CUX1: variants seen among roughly 807,000 people sequenced by gnomAD.
The protein encoded by CUX1 is cut like homeobox 1, also known as protein CASP.
CUX1 carries 31 observed loss-of-function variants against 158.8 expected under a neutral mutation model. That is an observed-to-expected ratio of 0.20 (90% confidence interval 0.15 to 0.26). The LOEUF is 0.26. CUX1 is among the 10% of genes least tolerant of loss of function. CUX1 has a pLI of 1.00. For missense variants in CUX1, 1,589 were observed against 2,014.6 expected, an observed-to-expected ratio of 0.79 and a Z score of 4.04; for synonymous variants, 879 against 862.1, an observed-to-expected ratio of 1.02 and a Z score of -0.34.
intron 1 of CUX1, among the ~76,000 whole-genome samples, chr7:101,906,904 C>T (rs1480125187): frequency 6.6e-6 from 1 of 152,116 alleles, no homozygotes; most frequent in African/African-American, 2.4e-5. Context: ...CTGCTGCCCC[C>T]CACTCCCGGA....
chr7:102,052,308 G>C (rs1037832882), intron 3 of CUX1, among the ~76,000 whole-genome samples: 8 of 152,104 alleles, frequency 5.3e-5, no homozygotes, highest in Non-Finnish European at 1.2e-4. Context: ...TCCCCCTTCT[G>C]TAGATTTGGC....
chr7:101,996,519 G>A (rs932517333), intron 2 of CUX1, among the ~76,000 whole-genome samples: 1 of 152,030 alleles, frequency 6.6e-6, no homozygotes. Flanking sequence ...AGCAGACCTG[G>A]GGGTGGCGGT....
intron 8 of CUX1, among the ~76,000 whole-genome samples, chr7:102,138,368 C>G (rs1232311795): frequency 2.0e-5 from 3 of 151,652 alleles, no homozygotes; most frequent in Non-Finnish European, 2.9e-5. Flanking sequence ...TTTCTTTTTT[C>G]TAATTCACAG....
chr7:102,261,551 A>C (rs1228507304), downstream of CUX1, among the ~76,000 whole-genome samples: 1 of 144,322 alleles, frequency 6.9e-6, no homozygotes, highest in Non-Finnish European at 1.6e-5. Flanking sequence ...TTTTAAGCAG[A>C]ATCAAGTATG....
At chr7:101,835,710 T>G (rs953466384) in intron 1 of CUX1, among the ~76,000 whole-genome samples, 5 of 152,174 alleles carry the variant, frequency 3.3e-5, no homozygotes, top group South Asian at 2.1e-4. Context: ...TTGCCAACAG[T>G]CCAATTATAC....
chr7:101,841,502 A>G (rs1247492396), intron 1 of CUX1, among the ~76,000 whole-genome samples: 1 of 148,874 alleles, frequency 6.7e-6, no homozygotes, highest in East Asian at 2.0e-4. Flanking sequence ...TTCTGAGTGC[A>G]TTTTTTTTCT....
Position 102,239,601 on chromosome 7 carries a change from A to C in CUX1, c.3887+17A>C. ...CAACTACAGGTACGACGGCTGGCTC[A>C]CAGGGAGCGCCGGTCGGCCCAGGGG... On this transcript the variant is annotated intron_variant, in intron 23 of 23. Coordinates refer to ENST00000292535, the MANE Select transcript of CUX1 (RefSeq NM_181552.4). 6.2e-7 allele frequency: 1 copy of C among 1,605,002 alleles called. No individual in the cohort carries two copies. Among genetic ancestry groups the C allele is most frequent in the South Asian group, 1.1e-5 (1 of 90,604 alleles).
At chr7:101,884,535 GT>G (rs757325131) in intron 1 of CUX1, among the ~76,000 whole-genome samples, 7 of 152,200 alleles carry the variant, frequency 4.6e-5, no homozygotes, top group Non-Finnish European at 1.0e-4. Context: ...AGGTGGGTGG[GT>G]GTTAAACTCA....
intron 23 of CUX1, among the ~76,000 whole-genome samples, chr7:102,246,770 A>C (rs1158797243): frequency 1.3e-5 from 2 of 152,124 alleles, no homozygotes; most frequent in Non-Finnish European, 2.9e-5. Context: ...AGGTTCCACC[A>C]TGTTGGCCGG....
chr7:101,871,229 A>G (rs1798495032), intron 1 of CUX1, among the ~76,000 whole-genome samples: 1 of 152,130 alleles, frequency 6.6e-6, no homozygotes. Flanking sequence ...TCAGCAGAAT[A>G]CAGGCCTCTG....
intron 1 of CUX1, among the ~76,000 whole-genome samples, chr7:101,873,669 C>T (rs1175897806): frequency 1.3e-5 from 2 of 152,146 alleles, no homozygotes; most frequent in African/African-American, 2.4e-5. Context: ...CTGCAACCTC[C>T]ACTTCCCGAG....
chr7:101,965,705 G>C (rs551545171), intron 2 of CUX1, among the ~76,000 whole-genome samples: 1 of 151,360 alleles, frequency 6.6e-6, no homozygotes, highest in Non-Finnish European at 1.5e-5. Context: ...AAAAATTAGC[G>C]GGGCGTGGTG....
chr7:102,086,035 T>C (rs912049739), intron 4 of CUX1, among the ~76,000 whole-genome samples: 1 of 152,194 alleles, frequency 6.6e-6, no homozygotes, highest in Non-Finnish European at 1.5e-5. Context: ...TCATCTAAAT[T>C]ATCAAATTTG....
At position 102,168,311 on chromosome 7, in the gene CUX1, C is replaced by T. The variant is rs574146841; in HGVS notation, c.724-2135C>T. ...AGAGCTCCTGGAGAGGCAAGGCAGG[C>T]GGCCACCAGCACCGCCCTGGGCGGA... On this transcript the variant is annotated intron_variant, in intron 9 of 23. Coordinates refer to ENST00000292535, the MANE Select transcript of CUX1 (RefSeq NM_181552.4). Among the ~76,000 whole-genome samples, 9 of 152,198 alleles carry T rather than the reference C, an allele frequency of 5.9e-5. No individual in the cohort carries two copies. In the South Asian group the frequency reaches 1.5e-3, roughly 25 times the overall value.
chr7:102,275,838 G>A (rs561222738), intron 17 of CUX1, among the ~76,000 whole-genome samples: 38 of 152,004 alleles, frequency 2.5e-4, no homozygotes, highest in South Asian at 2.1e-3. Context: ...GTGAAACCCC[G>A]TCTCTACTAA....
chr7:101,895,428 A>C (rs187923590), intron 1 of CUX1, among the ~76,000 whole-genome samples: 3 of 152,238 alleles, frequency 2.0e-5, no homozygotes, highest in Admixed American at 2.0e-4. Flanking sequence ...GGACCCTGGC[A>C]TGGGGAAGAG....
At chr7:101,959,977 A>G (rs367716776) in intron 2 of CUX1, 19 of 152,218 alleles carry the variant, frequency 1.2e-4, no homozygotes, top group African/African-American at 4.3e-4. Flanking sequence ...CTTTAATGCC[A>G]TCGAGATGCC....
intron 2 of CUX1, among the ~76,000 whole-genome samples, chr7:101,997,433 T>A (rs1249924619): frequency 6.6e-6 from 1 of 152,226 alleles, no homozygotes; most frequent in Non-Finnish European, 1.5e-5. Context: ...AACCTCCGCC[T>A]CTTGGGTTCA....
chr7:102,019,320 C>G (rs567540784), intron 2 of CUX1, among the ~76,000 whole-genome samples: 1 of 152,078 alleles, frequency 6.6e-6, no homozygotes, highest in Non-Finnish European at 1.5e-5. Flanking sequence ...CTCTGCCTCC[C>G]GGGTTCAAGC....
Sources: allele counts gnomAD v4.1 joint callset (sites outside exome capture counted in the v4.1 genomes callset), GRCh38; gene constraint gnomAD v4.1.1; transcripts MANE v1.5; gene names NCBI Gene and HGNC (gene_info 2026-07-23, HGNC 2026-07-21).